KIAA1328: variants seen among roughly 807,000 people sequenced by gnomAD.
KIAA1328 encodes the protein KIAA1328, also known as protein hinderin.
A neutral mutation model predicts 68.1 loss-of-function variants in KIAA1328; 52 were observed. The ratio of observed to expected loss-of-function variants is 0.76; its 90% CI spans 0.61 to 0.96. The LOEUF (loss-of-function observed/expected upper bound fraction) is 0.96. Ranked by LOEUF, KIAA1328 falls within the 40% of genes least tolerant of loss-of-function variation. The pLI, the probability that KIAA1328 is intolerant of heterozygous loss-of-function variation, is 0.00. For synonymous variants in KIAA1328, 232 were observed against 239.4 expected, an observed-to-expected ratio of 0.97 and a Z score of 0.28; for missense variants, 641 against 677.6, an observed-to-expected ratio of 0.95 and a Z score of 0.60.
chr18:36,951,943 G>T (rs1238399579), intron 5 of KIAA1328, among the ~76,000 whole-genome samples: 1 of 152,118 alleles, frequency 6.6e-6, no homozygotes, highest in South Asian at 2.1e-4. Flanking sequence ...CCTACCAGAG[G>T]TATCTTTATG....
At chr18:37,031,937 C>T (rs1426736172) in intron 6 of KIAA1328, among the ~76,000 whole-genome samples, 1 of 151,930 alleles carries the variant, frequency 6.6e-6, no homozygotes, top group African/African-American at 2.4e-5. Context: ...GAGGCTGAGG[C>T]GGGTGGATCG....
chr18:37,032,573 GT>G (rs76922277), intron 6 of KIAA1328, among the ~76,000 whole-genome samples: 10 of 147,054 alleles, frequency 6.8e-5, no homozygotes, highest in Admixed American at 2.0e-4. Flanking sequence ...TTAGCAATTT[GT>G]TTTTTTTTGC....
At chr18:37,110,764 A>C (rs1019076477) in intron 7 of KIAA1328, among the ~76,000 whole-genome samples, 1 of 152,152 alleles carries the variant, frequency 6.6e-6, no homozygotes, top group Admixed American at 6.6e-5. Context: ...TTGTTTATAA[A>C]GTGTCTGAGA....
chr18:36,834,600 G>A (rs1284672430), intron 2 of KIAA1328, among the ~76,000 whole-genome samples: 3 of 152,242 alleles, frequency 2.0e-5, no homozygotes, highest in East Asian at 1.9e-4. Context: ...CATGTGGCAA[G>A]GGGCAAAAGA....
At chr18:37,130,968 A>G (rs1318498165) in intron 7 of KIAA1328, among the ~76,000 whole-genome samples, 1 of 152,158 alleles carries the variant, frequency 6.6e-6, no homozygotes, top group Admixed American at 6.5e-5. Context: ...TTGGGTAATT[A>G]ATAATATGAA....
intron 6 of KIAA1328, among the ~76,000 whole-genome samples, chr18:36,962,775 A>G (rs530324085): frequency 9.9e-5 from 15 of 152,232 alleles, no homozygotes; most frequent in Non-Finnish European, 1.8e-4. Context: ...AGCAATGATA[A>G]CAGAGACACA....
chr18:37,210,014 G>A (rs896243126), intron 9 of KIAA1328, among the ~76,000 whole-genome samples: 1 of 152,150 alleles, frequency 6.6e-6, no homozygotes, highest in Non-Finnish European at 1.5e-5. Context: ...GAGGATGTTG[G>A]TGGTATGGAA....
At position 36,994,547 on chromosome 18, in the gene KIAA1328, A is replaced by T. The variant is rs528632750; in HGVS notation, c.576+35112A>T. Reference sequence around the variant, plus strand: ...CCAACTACTTCATTTAGAAGTGAAAACTTAAGCACTGTAGTTTGCATAGCT... The same window carrying T: ...CCAACTACTTCATTTAGAAGTGAAATCTTAAGCACTGTAGTTTGCATAGCT... On this transcript the variant is annotated intron_variant, in intron 6 of 9. Transcript: ENST00000280020. Among the ~76,000 whole-genome samples, 4 of 152,230 alleles carry T rather than the reference A, an allele frequency of 2.6e-5. No homozygotes were observed. In the South Asian group the frequency reaches 8.3e-4, roughly 32 times the overall value.
At chr18:37,126,466 C>T (rs1156948650) in intron 7 of KIAA1328, among the ~76,000 whole-genome samples, 3 of 151,968 alleles carry the variant, frequency 2.0e-5, no homozygotes, top group Admixed American at 1.3e-4. Context: ...TTTTAAAAAA[C>T]CTTCCCCCAA....
At chr18:36,975,486 A>G (rs2052434313) in intron 6 of KIAA1328, among the ~76,000 whole-genome samples, 1 of 152,184 alleles carries the variant, frequency 6.6e-6, no homozygotes, top group Non-Finnish European at 1.5e-5. Flanking sequence ...CCGGCCTACA[A>G]GCTACAATTC....
intron 5 of KIAA1328, among the ~76,000 whole-genome samples, chr18:36,890,414 T>TA (rs2048644764): frequency 6.6e-6 from 1 of 152,148 alleles, no homozygotes; most frequent in African/African-American, 2.4e-5. Context: ...CTCACGCTTA[T>TA]AATCCCAGCA....
chr18:36,921,251 T>A (rs2049910343), intron 5 of KIAA1328: 1 of 151,866 alleles, frequency 6.6e-6, no homozygotes, highest in South Asian at 2.1e-4. Flanking sequence ...GAGGGTTATT[T>A]TTTTTTTTTT....
chr18:37,006,882 A>T (rs1171152967), intron 6 of KIAA1328, among the ~76,000 whole-genome samples: 5 of 152,204 alleles, frequency 3.3e-5, no homozygotes, highest in Non-Finnish European at 7.4e-5. Flanking sequence ...TATTTAACAA[A>T]TGGTAGCTGT....
At chr18:37,129,473 ATATT>A (rs1308995621) in intron 7 of KIAA1328, among the ~76,000 whole-genome samples, 1 of 152,172 alleles carries the variant, frequency 6.6e-6, no homozygotes, top group African/African-American at 2.4e-5. Flanking sequence ...TTTTTAATTA[ATATT>A]TAGTAAGTCC....
intron 4 of KIAA1328, among the ~76,000 whole-genome samples, chr18:36,857,578 A>C (rs2047427200): frequency 6.6e-6 from 1 of 152,230 alleles, no homozygotes; most frequent in Non-Finnish European, 1.5e-5. Flanking sequence ...TGGACAAGCG[A>C]AAGCACCATA....
chr18:36,913,430 G>A (rs1387580961), intron 5 of KIAA1328, among the ~76,000 whole-genome samples: 4 of 144,998 alleles, frequency 2.8e-5, no homozygotes, highest in Non-Finnish European at 6.0e-5. Flanking sequence ...TTTTTGATAA[G>A]AGGCTCTTCC....
chr18:36,962,202 C>T (rs1168376466), intron 6 of KIAA1328, among the ~76,000 whole-genome samples: 3 of 152,152 alleles, frequency 2.0e-5, no homozygotes, highest in African/African-American at 7.2e-5. Flanking sequence ...TTTAAACCAA[C>T]AAAGATCAAA....
In KIAA1328 at chr18:37,094,919, G is replaced by T. The variant is rs888013396; in HGVS notation, c.1232+27374G>T. Among the ~76,000 whole-genome samples the T allele has an allele frequency of 2.6e-5, 4 of 151,128 alleles. No individual in the cohort carries two copies. In the South Asian group the frequency reaches 8.3e-4, roughly 31 times the overall value. ...TGCAAACCAAAAGCATACAGAGGCAGTTATAGTTATATTGGACAAAATAGG... is the reference window on the plus strand; with the variant it reads ...TGCAAACCAAAAGCATACAGAGGCATTTATAGTTATATTGGACAAAATAGG... On this transcript the variant is annotated intron_variant, in intron 7 of 9. Transcript: ENST00000280020.
intron 6 of KIAA1328, among the ~76,000 whole-genome samples, chr18:37,037,716 T>G (rs2151609054): frequency 6.6e-6 from 1 of 151,960 alleles, no homozygotes; most frequent in South Asian, 2.1e-4. Flanking sequence ...AAACCCCATC[T>G]CCAGCCTCCA....
Sources: gnomAD v4.1 joint callset for allele counts (sites outside exome capture counted in the v4.1 genomes callset) on GRCh38, gnomAD v4.1.1 for gene constraint, MANE v1.5 for transcripts, NCBI Gene and HGNC (gene_info 2026-07-23, HGNC 2026-07-21) for gene names.